The following ABHD2 variants were observed in gnomAD, a reference collection of about 807,000 sequenced individuals.
ABHD2 encodes the protein abhydrolase domain containing 2, acylglycerol lipase.
Under a neutral mutation model 48.1 loss-of-function variants are expected in ABHD2, and 20 were observed. The ratio of observed to expected loss-of-function variants is 0.42; its 90% CI spans 0.29 to 0.60. The LOEUF (loss-of-function observed/expected upper bound fraction) is 0.60. ABHD2 is among the 20% of genes least tolerant of loss of function. The pLI is 0.24. For missense variants in ABHD2, 405 were observed against 550.9 expected (o/e 0.74, Z 2.65); for synonymous variants, 209 against 214.2 (o/e 0.98, Z 0.21).
At chr15:89,110,397 G>C (rs2049855428) in intron 1 of ABHD2, among the ~76,000 whole-genome samples, 1 of 151,992 alleles carries the variant, frequency 6.6e-6, no homozygotes, top group Non-Finnish European at 1.5e-5. Flanking sequence ...TCATCTGATT[G>C]GTTGAACCTG....
intron 6 of ABHD2, among the ~76,000 whole-genome samples, chr15:89,181,737 C>A (rs1201766909): frequency 6.6e-6 from 1 of 152,178 alleles, no homozygotes; most frequent in South Asian, 2.1e-4. Flanking sequence ...GACTTTAATT[C>A]GTTTTCATCA....
the ABHD2 span, among the ~76,000 whole-genome samples, chr15:89,049,988 A>G: frequency 6.6e-6 from 1 of 152,158 alleles, no homozygotes; most frequent in Non-Finnish European, 1.5e-5. Flanking sequence ...CAGAGCAGAA[A>G]ATAAAAGTTG....
intron 3 of ABHD2, among the ~76,000 whole-genome samples, chr15:89,126,838 T>C (rs2050137562): frequency 6.6e-6 from 1 of 152,212 alleles, no homozygotes; most frequent in Non-Finnish European, 1.5e-5. Flanking sequence ...TCAAGAATAC[T>C]TCCCTGCAAA....
the ABHD2 span, among the ~76,000 whole-genome samples, chr15:89,068,754 C>CTTTTTTTTTTTTTTTTTTTTTT: frequency 4.2e-5 from 3 of 71,354 alleles, 1 homozygote; most frequent in Non-Finnish European, 7.2e-5. Context: ...CAAGCTTCCT[C>CTTTTTTTTTTTTTTTTTTTTTT]TTTTTTTTTT....
intron 5 of ABHD2, among the ~76,000 whole-genome samples, chr15:89,172,858 C>T (rs2150923720): frequency 6.6e-6 from 1 of 152,310 alleles, no homozygotes; most frequent in East Asian, 1.9e-4. Flanking sequence ...TTGAAAGTTC[C>T]CATTCCCAGG....
At chr15:89,127,812 C>T (rs1291599805) in intron 3 of ABHD2, among the ~76,000 whole-genome samples, 1 of 151,014 alleles carries the variant, frequency 6.6e-6, no homozygotes, top group Non-Finnish European at 1.5e-5. Flanking sequence ...CGTCTGTACA[C>T]CATACTCAGC....
At chr15:89,170,080 C>CTGTTTTTTTTTTTT (rs2050898498) in intron 5 of ABHD2, among the ~76,000 whole-genome samples, 1 of 37,484 alleles carries the variant, frequency 2.7e-5, no homozygotes, top group African/African-American at 7.6e-5. Context: ...AGATCAGATT[C>CTGTTTTTTTTTTTT]TTTTTTTTTT....
chr15:89,169,934 A>G (rs888938650), intron 5 of ABHD2, among the ~76,000 whole-genome samples: 1 of 151,974 alleles, frequency 6.6e-6, no homozygotes, highest in African/African-American at 2.4e-5. Flanking sequence ...ATCTGCTGCA[A>G]TTTCCCAGTG....
intron 3 of ABHD2, among the ~76,000 whole-genome samples, chr15:89,134,297 A>T (rs1034820411): frequency 5.3e-5 from 8 of 152,234 alleles, no homozygotes; most frequent in East Asian, 3.9e-4. Context: ...TTTTATTTTG[A>T]AATGTTTCAT....
At chr15:89,060,871 G>A in the ABHD2 span, among the ~76,000 whole-genome samples, 12 of 152,108 alleles carry the variant, frequency 7.9e-5, no homozygotes, top group Non-Finnish European at 1.5e-5. Flanking sequence ...GACTGTATAT[G>A]CAATGTGGAT....
At chr15:89,089,473 G>A (rs751981062) in intron 1 of ABHD2, among the ~76,000 whole-genome samples, 7 of 152,224 alleles carry the variant, frequency 4.6e-5, no homozygotes, top group Non-Finnish European at 8.8e-5. Context: ...TTTAGCCACT[G>A]TGAAACTCCT....
rs1239608920 is a variant in ABHD2 at position 89,198,804 on chromosome 15, C to T, written c.*3381C>T. ...AACAGCTGTGTCAAGGCTCAAGGCT[C>T]ACGCTGAGGGGACTTGGAGGGAGGG... On this transcript the variant is annotated 3_prime_UTR_variant, in exon 11 of 11. Transcript: ENST00000352732. The surrounding 1 kb of genome is among the most constrained non-coding windows in gnomAD (Gnocchi z 5.1). The T allele has an allele frequency of 6.6e-6, 1 of 152,280 alleles. No homozygotes were observed. The highest frequency in any genetic ancestry group is 1.5e-5 in the Non-Finnish European group (1 of 68,078). The allele number at this position is 152,280 out of a possible 1,614,324, so 9.4% of individuals were successfully genotyped here.
the ABHD2 span, among the ~76,000 whole-genome samples, chr15:89,062,925 T>C: frequency 3.1e-4 from 47 of 152,138 alleles, 1 homozygote; most frequent in African/African-American, 1.1e-3. Flanking sequence ...TCTTGCTCAT[T>C]TGAGTATGTC....
At chr15:89,145,193 T>C (rs1357299692) in intron 3 of ABHD2, among the ~76,000 whole-genome samples, 1 of 152,180 alleles carries the variant, frequency 6.6e-6, no homozygotes, top group Non-Finnish European at 1.5e-5. Context: ...GAGGTGAAGG[T>C]TGCAGTGAGC....
chr15:89,149,379 G>C (rs1288870655), intron 3 of ABHD2, among the ~76,000 whole-genome samples: 1 of 152,106 alleles, frequency 6.6e-6, no homozygotes, highest in African/African-American at 2.4e-5. Context: ...ATATATTTTT[G>C]TATATTTTAA....
chr15:89,152,517 G>A (rs1163154657), intron 4 of ABHD2, among the ~76,000 whole-genome samples: 1 of 152,194 alleles, frequency 6.6e-6, no homozygotes, highest in Non-Finnish European at 1.5e-5. Context: ...TCAGTGCTTC[G>A]TGTATACTGT....
Position 89,201,348 on chromosome 15 carries a change from GC to G in ABHD2, c.*5928del, listed in dbSNP as rs900431299. The G allele has an allele frequency of 1.9e-6, 2 of 1,031,376 alleles. No individual in the cohort carries two copies. The highest frequency in any genetic ancestry group is 3.2e-5 in the African/African-American group (2 of 62,504). 63.9% of individuals were successfully genotyped at this position (1,031,376 alleles called of 1,614,324 possible). A position where few individuals can be genotyped will look rare whatever the true frequency, so the allele number is the denominator to read the frequency against. On this transcript the variant is annotated 3_prime_UTR_variant, in exon 11 of 11. Coordinates refer to ENST00000352732, the MANE Select transcript of ABHD2 (RefSeq NM_152924.5). The stretch of plus-strand genomic sequence containing the variant: ...GAAGCACTGTGTGGTTGTGGCGTGG[GC>G]CCGTCTTGCTTAGATGCATTCAGTG...
the ABHD2 span, among the ~76,000 whole-genome samples, chr15:89,081,185 T>TC: frequency 6.9e-6 from 1 of 144,646 alleles, no homozygotes; most frequent in East Asian, 2.0e-4. Context: ...TTTTTTTTTT[T>TC]TTTTTTTACT....
rs759421564 is a variant in ABHD2, at chr15:89,199,612, G to A, written c.*4189G>A. On this transcript the variant is annotated 3_prime_UTR_variant, in exon 11 of 11. Coordinates refer to ENST00000352732, the MANE Select transcript of ABHD2 (RefSeq NM_152924.5). This position sits in a 1 kb window ranked among gnomAD's most constrained non-coding sequence, Gnocchi z 4.1. Reference sequence around the variant, plus strand: ...CCCCACCCCTCCCTCAACAATATGAGTGATCCAGAACTGGCCCAAACACCT... The same window carrying A: ...CCCCACCCCTCCCTCAACAATATGAATGATCCAGAACTGGCCCAAACACCT... 6.8e-6 allele frequency: 1 copy of A among 148,136 alleles called. No individual in the cohort carries two copies. The highest frequency in any genetic ancestry group is 1.5e-5 in the Non-Finnish European group (1 of 67,290). The allele number at this position is 148,136 out of a possible 1,614,324, so 9.2% of individuals were successfully genotyped here.
Sources: gnomAD v4.1 joint callset for allele counts (sites outside exome capture counted in the v4.1 genomes callset) on GRCh38, gnomAD v4.1.1 for gene constraint, Gnocchi (gnomAD v3.1) non-coding constraint, MANE v1.5 for transcripts, NCBI Gene and HGNC (gene_info 2026-07-23, HGNC 2026-07-21) for gene names.